Variants in ATP2B2 observed in about 807,000 individuals in gnomAD.
ATP2B2 encodes plasma membrane calcium-transporting ATPase 2.
In ATP2B2, 15 loss-of-function variants were observed where a neutral mutation model predicts 120.0. That is an observed-to-expected ratio of 0.12 (90% CI 0.08 to 0.19). The LOEUF is 0.19. Ranked by LOEUF, ATP2B2 falls within the 10% of genes least tolerant of loss-of-function variation. ATP2B2 has a pLI of 1.00. For synonymous variants in ATP2B2, 694 were observed against 700.3 expected, an observed-to-expected ratio of 0.99 and a Z score of 0.14; for missense variants, 1,045 against 1,719.8, an observed-to-expected ratio of 0.61 and a Z score of 6.94.
Position 10,635,258 on chromosome 3 carries a change from G to T in ATP2B2, c.-459-15297C>A, listed in dbSNP as rs1473354329. ...TTGGGGATGTTGGCAACTAATTCCAGTTTAAAACCCATAACATTCAACATA... is the reference window on the plus strand; with the variant it reads ...TTGGGGATGTTGGCAACTAATTCCATTTTAAAACCCATAACATTCAACATA... On this transcript the variant is annotated intron_variant, in intron 1 of 21. Transcript: ENST00000646379. The surrounding 1 kb of genome is among the most constrained non-coding windows in gnomAD (Gnocchi z 4.3). 6.6e-6 allele frequency among the ~76,000 whole-genome samples: 1 copy of T among 152,166 alleles called. No individual in the cohort carries two copies. Among genetic ancestry groups the T allele is most frequent in the Non-Finnish European group, 1.5e-5 (1 of 68,020 alleles).
intron 3 of ATP2B2, among the ~76,000 whole-genome samples, chr3:10,404,401 T>G (rs1373159569): frequency 6.6e-6 from 1 of 152,266 alleles, no homozygotes; most frequent in Non-Finnish European, 1.5e-5. Flanking sequence ...CGCTAACTGC[T>G]GTGTGCCCAT....
chr3:10,349,891 G>C (rs1323191678), intron 16 of ATP2B2, among the ~76,000 whole-genome samples: 1 of 152,182 alleles, frequency 6.6e-6, no homozygotes, highest in African/African-American at 2.4e-5. Flanking sequence ...CTTCCTAGGG[G>C]AGTTGGAGGC....
At chr3:10,685,518 G>GTGTGTA (rs1394547399) in intron 1 of ATP2B2, among the ~76,000 whole-genome samples, 1 of 152,170 alleles carries the variant, frequency 6.6e-6, no homozygotes, top group Non-Finnish European at 1.5e-5. Context: ...GAGAGAGAGT[G>GTGTGTA]TGTGTATGTG....
chr3:10,604,377 C>T (rs962352186), intron 2 of ATP2B2, among the ~76,000 whole-genome samples: 1 of 152,180 alleles, frequency 6.6e-6, no homozygotes, highest in Non-Finnish European at 1.5e-5. Flanking sequence ...CACTTCTCTG[C>T]CCCAAACCTC....
At chr3:10,509,139 G>C (rs529600116), upstream of ATP2B2, among the ~76,000 whole-genome samples, 9 of 152,156 alleles carry the variant, frequency 5.9e-5, no homozygotes, top group Non-Finnish European at 1.2e-4. Flanking sequence ...AAGGGCAATA[G>C]AGGAGGCTCT....
At chr3:10,567,456 G>A (rs543033972) in intron 2 of ATP2B2, among the ~76,000 whole-genome samples, 1 of 152,180 alleles carries the variant, frequency 6.6e-6, no homozygotes, top group South Asian at 2.1e-4. Flanking sequence ...GCCATATAGG[G>A]GGGTGTGGGC....
chr3:10,693,271 T>C (rs1036541525), intron 1 of ATP2B2, among the ~76,000 whole-genome samples: 1 of 152,232 alleles, frequency 6.6e-6, no homozygotes, highest in East Asian at 1.9e-4. Flanking sequence ...GCACATTTCA[T>C]AACTCTTATA....
chr3:10,352,556 G>A (rs2060608787), intron 14 of ATP2B2, among the ~76,000 whole-genome samples: 1 of 152,210 alleles, frequency 6.6e-6, no homozygotes. Context: ...AGGGCCAGCT[G>A]ACCACCAGCC....
chr3:10,457,788 T>C (rs543899790), intron 1 of ATP2B2, among the ~76,000 whole-genome samples: 1 of 145,934 alleles, frequency 6.9e-6, no homozygotes, highest in Non-Finnish European at 1.5e-5. Flanking sequence ...TCCTATTCTG[T>C]TAACCAGAAA....
chr3:10,506,378 T>A (rs2066627754), upstream of ATP2B2, among the ~76,000 whole-genome samples: 3 of 152,070 alleles, frequency 2.0e-5, no homozygotes, highest in African/African-American at 4.8e-5. Flanking sequence ...ACCCACCTAA[T>A]CTTCAGGACA....
At chr3:10,526,600 T>C (rs547896715) in intron 3 of ATP2B2, among the ~76,000 whole-genome samples, 2 of 152,116 alleles carry the variant, frequency 1.3e-5, no homozygotes, top group African/African-American at 2.4e-5. Flanking sequence ...CAGATTCCCC[T>C]GTGTGGCACC....
At chr3:10,619,668 G>C (rs181617514) in intron 2 of ATP2B2, among the ~76,000 whole-genome samples, 77 of 152,328 alleles carry the variant, frequency 5.1e-4, no homozygotes, top group African/African-American at 1.8e-3. Flanking sequence ...TTTCAGACCT[G>C]CTTCTGCCTT....
Position 10,395,251 on chromosome 3 carries a change from G to C in ATP2B2, c.781+5702C>G, listed in dbSNP as rs146780060. 1.9e-3 allele frequency among the ~76,000 whole-genome samples: 295 copies of C among 152,310 alleles called. 2 individuals are homozygous for C. The highest frequency in any genetic ancestry group is 6.8e-3 in the African/African-American group (284 of 41,570). On this transcript the variant is annotated intron_variant, in intron 5 of 22. Transcript: ENST00000360273. ...TCCATGAAGACAATGAAAAGATGAG[G>C]CGCTGCTCCATGCAGGAGACCAAAG...
intron 6 of ATP2B2, among the ~76,000 whole-genome samples, chr3:10,387,723 A>G (rs1278181849): frequency 6.6e-6 from 1 of 152,174 alleles, no homozygotes; most frequent in Non-Finnish European, 1.5e-5. Context: ...ATTTTCAAGG[A>G]GGAGGAAGAA....
intron 3 of ATP2B2, among the ~76,000 whole-genome samples, chr3:10,408,872 C>A (rs1432090050): frequency 6.6e-6 from 1 of 152,198 alleles, no homozygotes; most frequent in African/African-American, 2.4e-5. Context: ...TCAGTCCTGT[C>A]CCTCTCTGAG....
intron 3 of ATP2B2, among the ~76,000 whole-genome samples, chr3:10,513,426 A>G (rs952236132): frequency 6.6e-6 from 1 of 152,318 alleles, no homozygotes; most frequent in East Asian, 1.9e-4. Context: ...CCTGTGGACC[A>G]CTGTACAGAT....
chr3:10,703,448 G>A (rs1030501663), intron 1 of ATP2B2, among the ~76,000 whole-genome samples: 5 of 152,150 alleles, frequency 3.3e-5, no homozygotes, highest in Admixed American at 6.5e-5. Context: ...CTATTAGGGA[G>A]AAAATTTATA....
intron 10 of ATP2B2, among the ~76,000 whole-genome samples, chr3:10,377,064 A>G (rs2061400967): frequency 6.6e-6 from 1 of 152,200 alleles, no homozygotes; most frequent in Non-Finnish European, 1.5e-5. Context: ...CTGTGAACCC[A>G]GGAGTGCTTG....
intron 14 of ATP2B2, among the ~76,000 whole-genome samples, 177 bp from the exon 15 acceptor site, chr3:10,350,754 C>T (rs569157596): frequency 5.3e-5 from 8 of 152,350 alleles, no homozygotes; most frequent in East Asian, 1.9e-4. Context: ...CCTGTGCCAA[C>T]GGCAGGCATT....
Sources: allele counts gnomAD v4.1 joint callset (sites outside exome capture counted in the v4.1 genomes callset), GRCh38; gene constraint gnomAD v4.1.1; non-coding constraint Gnocchi (gnomAD v3.1); transcripts MANE v1.5; gene names NCBI Gene and HGNC (gene_info 2026-07-23, HGNC 2026-07-21).